The following SEMA6D variants were observed in gnomAD, a reference collection of about 807,000 sequenced individuals.
SEMA6D encodes semaphorin 6D.
Under a neutral mutation model 106.6 loss-of-function variants are expected in SEMA6D, and 35 were observed. That is an observed-to-expected ratio of 0.33 (90% confidence interval 0.25 to 0.44). The LOEUF is 0.44. Among genes scored for constraint, SEMA6D ranks in the 20% least tolerant of loss-of-function variants. The probability of loss-of-function intolerance (pLI) is 1.00; values close to 1 mark genes in which losing one functional copy is unlikely to be tolerated. For synonymous variants in SEMA6D, 499 were observed against 487.7 expected (o/e 1.02, Z -0.31); for missense variants, 1,185 against 1,345.9 (o/e 0.88, Z 1.87).
chr15:47,613,942 C>T (rs1212181824), intron 4 of SEMA6D, among the ~76,000 whole-genome samples: 2 of 152,120 alleles, frequency 1.3e-5, no homozygotes, highest in Non-Finnish European at 2.9e-5. Context: ...CCACCGCGCC[C>T]AGCCACTTTA....
At chr15:47,694,057 GT>G (rs1016160576) in intron 4 of SEMA6D, among the ~76,000 whole-genome samples, 4 of 152,108 alleles carry the variant, frequency 2.6e-5, no homozygotes, top group African/African-American at 9.7e-5. Context: ...TAAAGGAGTG[GT>G]CCTCAAAGAG....
At chr15:47,639,997 CA>C (rs1405221444) in intron 4 of SEMA6D, among the ~76,000 whole-genome samples, 1 of 152,050 alleles carries the variant, frequency 6.6e-6, no homozygotes, top group African/African-American at 2.4e-5. Flanking sequence ...TGTTAGTTAA[CA>C]ATAAGGTATC....
intron 1 of SEMA6D, among the ~76,000 whole-genome samples, chr15:47,206,118 T>C (rs1271734519): frequency 1.3e-5 from 2 of 152,226 alleles, no homozygotes; most frequent in Non-Finnish European, 2.9e-5. Flanking sequence ...TAAGTGGGTA[T>C]GATATTATTA....
intron 2 of SEMA6D, among the ~76,000 whole-genome samples, chr15:47,429,565 A>G (rs1371329540): frequency 6.6e-6 from 1 of 152,112 alleles, no homozygotes; most frequent in Non-Finnish European, 1.5e-5. Context: ...AGGCAACAGA[A>G]CACCAACAAA....
chr15:47,521,066 G>C (rs142508878), intron 3 of SEMA6D, among the ~76,000 whole-genome samples: 1 of 152,164 alleles, frequency 6.6e-6, no homozygotes, highest in Admixed American at 6.5e-5. Flanking sequence ...CCTCTCATAG[G>C]TGTTGGCTTG....
chr15:47,432,084 A>T (rs1014979310), intron 2 of SEMA6D, among the ~76,000 whole-genome samples: 2 of 152,070 alleles, frequency 1.3e-5, no homozygotes, highest in African/African-American at 4.8e-5. Flanking sequence ...ATCTAAAAAG[A>T]TATTTTCTTT....
At chr15:47,744,661 C>T (rs1257529706) in intron 1 of SEMA6D, among the ~76,000 whole-genome samples, 2 of 152,116 alleles carry the variant, frequency 1.3e-5, no homozygotes, top group Non-Finnish European at 2.9e-5. Flanking sequence ...GGTCCCTGTT[C>T]AAGGCATCAG....
chr15:47,704,221 A>G (rs73394806), intron 4 of SEMA6D, among the ~76,000 whole-genome samples: 7,559 of 152,154 alleles, frequency 0.05, 576 homozygotes, highest in African/African-American at 0.17. Flanking sequence ...CTTGAACTCA[A>G]GCAATGCTCC....
chr15:47,752,509 C>A (rs1021606160), intron 1 of SEMA6D, among the ~76,000 whole-genome samples: 3 of 152,092 alleles, frequency 2.0e-5, no homozygotes, highest in Non-Finnish European at 4.4e-5. Flanking sequence ...GCAGTGAAGA[C>A]CCAGGTGATA....
intron 4 of SEMA6D, among the ~76,000 whole-genome samples, chr15:47,630,859 G>A (rs1307905142): frequency 6.6e-6 from 1 of 151,782 alleles, no homozygotes; most frequent in Non-Finnish European, 1.5e-5. Flanking sequence ...ATGATCGTGT[G>A]ATTTTTTCTT....
At chr15:47,577,129 C>CA (rs2076169192) in intron 3 of SEMA6D, among the ~76,000 whole-genome samples, 1 of 152,206 alleles carries the variant, frequency 6.6e-6, no homozygotes, top group South Asian at 2.1e-4. Context: ...TTGCATTTCA[C>CA]AAATATATTT....
intron 1 of SEMA6D, among the ~76,000 whole-genome samples, chr15:47,345,070 AAAG>A (rs1185048270): frequency 1.3e-5 from 2 of 152,212 alleles, no homozygotes; most frequent in Non-Finnish European, 2.9e-5. Context: ...AAAGGAAATT[AAAG>A]AAGACCTAAA....
At chr15:47,638,696 T>C (rs149510949) in intron 4 of SEMA6D, among the ~76,000 whole-genome samples, 1 of 152,366 alleles carries the variant, frequency 6.6e-6, no homozygotes, top group African/African-American at 2.4e-5. Flanking sequence ...CTTTCATTAG[T>C]TGTTAATTTG....
At chr15:47,742,417 C>A (rs2080874815) in intron 1 of SEMA6D, among the ~76,000 whole-genome samples, 1 of 152,152 alleles carries the variant, frequency 6.6e-6, no homozygotes, top group African/African-American at 2.4e-5. Context: ...AGGGATCCCT[C>A]CTGTCCTTCA....
chr15:47,208,276 C>T (rs935200725), intron 1 of SEMA6D, among the ~76,000 whole-genome samples: 1 of 151,980 alleles, frequency 6.6e-6, no homozygotes, highest in Admixed American at 6.6e-5. Flanking sequence ...GCTAGAGATA[C>T]AGAAAATACC....
intron 4 of SEMA6D, among the ~76,000 whole-genome samples, chr15:47,665,426 C>T (rs1331799822): frequency 2.0e-5 from 3 of 152,056 alleles, no homozygotes; most frequent in Admixed American, 6.6e-5. Flanking sequence ...TTTCAGGAAG[C>T]CAGAACAGCA....
At chr15:47,247,409 G>T (rs1035485927) in intron 1 of SEMA6D, among the ~76,000 whole-genome samples, 1 of 151,754 alleles carries the variant, frequency 6.6e-6, no homozygotes, top group Non-Finnish European at 1.5e-5. Flanking sequence ...TGCATATATT[G>T]TTCCTCCTAT....
intron 1 of SEMA6D, among the ~76,000 whole-genome samples, chr15:47,238,025 G>A (rs543068967): frequency 2.6e-5 from 4 of 152,062 alleles, no homozygotes; most frequent in South Asian, 2.1e-4. Flanking sequence ...TGTCAAGTGC[G>A]CATTTATTGA....
chr15:47,186,973 A>G (rs892447294), intron 1 of SEMA6D, among the ~76,000 whole-genome samples: 1 of 152,150 alleles, frequency 6.6e-6, no homozygotes, highest in Non-Finnish European at 1.5e-5. Flanking sequence ...AAATATGTTG[A>G]AAAAGGTCTT....
Sources: gnomAD v4.1 joint callset for allele counts (sites outside exome capture counted in the v4.1 genomes callset) on GRCh38, gnomAD v4.1.1 for gene constraint, MANE v1.5 for transcripts, NCBI Gene and HGNC (gene_info 2026-07-23, HGNC 2026-07-21) for gene names.